Variants in GGA3 observed in about 807,000 individuals in gnomAD.
GGA3 encodes the protein golgi associated, gamma adaptin ear containing, ARF binding protein 3.
GGA3 carries 57 observed loss-of-function variants against 77.5 expected under a neutral mutation model. The observed-to-expected ratio is 0.74, with a 90% CI of 0.59 to 0.92. The LOEUF (loss-of-function observed/expected upper bound fraction) is 0.92, where lower values mean the gene tolerates loss of function less well. Ranked by LOEUF, GGA3 falls within the 40% of genes least tolerant of loss-of-function variation. The probability of loss-of-function intolerance (pLI) is 0.00; values close to 1 mark genes in which losing one functional copy is unlikely to be tolerated. For synonymous variants in GGA3, 416 were observed against 383.7 expected, an observed-to-expected ratio of 1.08 and a Z score of -0.98; for missense variants, 970 against 914.9, an observed-to-expected ratio of 1.06 and a Z score of -0.78.
Position 75,240,328 on chromosome 17 carries a change from T to A in GGA3, c.1263+14A>T, listed in dbSNP as rs2145487584. On this transcript the variant is annotated intron_variant, in intron 12 of 16. Coordinates refer to ENST00000537686, the MANE Select transcript of GGA3 (RefSeq NM_138619.4). ...CTTGGCACAGTAGTGCTGTCACCGA[T>A]CCTGTGCCCCTACCTGGAGCAGGTG... is the stretch of plus-strand genomic sequence containing the variant. 1 of 1,560,720 alleles carries A rather than the reference T, an allele frequency of 6.4e-7. No individual in the cohort carries two copies. Among genetic ancestry groups the A allele is most frequent in the East Asian group, 2.3e-5 (1 of 44,024 alleles).
chr17:75,246,645 C>G, intron 2 of GGA3, 61 bp from the exon 3 acceptor site: 1 of 1,593,096 alleles, frequency 6.3e-7, no homozygotes, highest in East Asian at 2.2e-5. Context: ...GCTGGCCCTC[C>G]TTGGCCATGG....
Position 75,243,528 on chromosome 17 carries a change from T to A in GGA3, c.343A>T (p.Ile115Phe). The A allele has an allele frequency of 6.2e-7, 1 of 1,614,070 alleles. No homozygotes were observed. The highest frequency in any genetic ancestry group is 1.3e-5 in the African/African-American group (1 of 75,054). The change falls in exon 5 of 17, where the codon ATT (isoleucine) becomes TTT (phenylalanine). Residue 115 changes from isoleucine (I) to phenylalanine (F), a missense_variant. Ile to Phe is a conservative substitution (Grantham distance 21, BLOSUM62 0). Transcript: ENST00000537686. ...RVSEKVKTKV[I>F]ELLYSWTMAL... ...ATGGTCCAGCTGTACAGCAGCTCAA[T>A]AACCTTGGTCTTCACTTTCTCAGAC...
intron 1 of GGA3, among the ~76,000 whole-genome samples, chr17:75,257,278 GCC>G (rs368611634): frequency 0.028 from 1,653 of 58,998 alleles, 39 homozygotes; most frequent in African/African-American, 0.045. Flanking sequence ...CTTAGACTGT[GCC>G]CCCCCCCCCA....
intron 5 of GGA3, 71 bp from the exon 6 acceptor site, chr17:75,243,237 G>T (rs2076635301): frequency 1.6e-6 from 2 of 1,232,370 alleles, no homozygotes; most frequent in Non-Finnish European, 2.3e-6. Flanking sequence ...TACACCAAGG[G>T]CCACGTCCCT....
At chr17:75,246,348 T>C (rs1245026305) in intron 3 of GGA3, among the ~76,000 whole-genome samples, 161 bp downstream of exon 3, 2 of 152,236 alleles carry the variant, frequency 1.3e-5, no homozygotes, top group African/African-American at 2.4e-5. Flanking sequence ...CACACAGATT[T>C]GTGGAACAGC....
rs1035275071 is a variant in GGA3 at position 75,239,490 on chromosome 17, C to G, written c.1665G>C (p.Thr555=). The change falls in exon 14 of 17, where the codon ACG becomes ACC. Residue 555 remains threonine (T), a synonymous_variant. Transcript: ENST00000537686. ...TPARPLLPFS[T]GPGSPLFQPL... Reference sequence around the variant, plus strand: ...GCTGGAAGAGCGGGCTGCCGGGCCCCGTGGAGAAGGGCAGGAGGGGCCTGG... The same window carrying G: ...GCTGGAAGAGCGGGCTGCCGGGCCCGGTGGAGAAGGGCAGGAGGGGCCTGG... 6.3e-7 allele frequency: 1 copy of G among 1,577,782 alleles called. No homozygotes were observed. Among genetic ancestry groups the G allele is most frequent in the Non-Finnish European group, 8.6e-7 (1 of 1,168,580 alleles).
At chr17:75,257,223 G>A (rs894984533) in intron 1 of GGA3, among the ~76,000 whole-genome samples, 4 of 150,812 alleles carry the variant, frequency 2.7e-5, no homozygotes, top group African/African-American at 4.9e-5. Flanking sequence ...CTGTATAGAT[G>A]CTCCTTTTTA....
At chr17:75,248,198 G>A (rs188900558) in intron 1 of GGA3, among the ~76,000 whole-genome samples, 48 of 152,282 alleles carry the variant, frequency 3.2e-4, no homozygotes, top group African/African-American at 9.4e-4. Context: ...GGGGCCGGGC[G>A]TGGTGGCTCA....
intron 1 of GGA3, among the ~76,000 whole-genome samples, chr17:75,256,532 C>T (rs2077157427): frequency 6.6e-6 from 1 of 152,136 alleles, no homozygotes; most frequent in Non-Finnish European, 1.5e-5. Context: ...GTTCCTCACC[C>T]TGATCACGCT....
intron 1 of GGA3, chr17:75,248,959 C>T: frequency 1.0e-6 from 1 of 985,336 alleles, no homozygotes; most frequent in Non-Finnish European, 1.2e-6. Context: ...AGTGTATCAC[C>T]CTGCTTCCCA....
chr17:75,258,681 TAAATA>T (rs1250487733), intron 1 of GGA3, among the ~76,000 whole-genome samples: 2 of 151,922 alleles, frequency 1.3e-5, no homozygotes, highest in East Asian at 1.9e-4. Flanking sequence ...AATAAATAAA[TAAATA>T]AAATAAACTT....
At position 75,237,777 on chromosome 17, in the gene GGA3, C is replaced by T. The variant is rs1485024664; in HGVS notation, c.*502G>A. On this transcript the variant is annotated 3_prime_UTR_variant, in exon 17 of 17. Coordinates refer to ENST00000537686, the MANE Select transcript of GGA3 (RefSeq NM_138619.4). ...GCCAGGCACCTTCCTGGGCCACCTC[C>T]CTGGGGATGGCAGCAGGAGCTGGTT... The T allele has an allele frequency of 1.4e-6, 2 of 1,429,376 alleles. No individual in the cohort carries two copies. Among genetic ancestry groups the T allele is most frequent in the Admixed American group, 2.9e-5 (1 of 34,362 alleles). 88.5% of individuals were successfully genotyped at this position (1,429,376 alleles called of 1,614,324 possible). A position where few individuals can be genotyped will look rare whatever the true frequency, so the allele number is the denominator to read the frequency against.
At position 75,242,489 on chromosome 17, in the gene GGA3, A is replaced by T; in HGVS notation, c.610-16T>A. The T allele has an allele frequency of 6.2e-7, 1 of 1,614,150 alleles. No individual in the cohort carries two copies. Among genetic ancestry groups the T allele is most frequent in the Non-Finnish European group, 8.5e-7 (1 of 1,179,974 alleles). ...GTGCCTCGTCCTGCCCCAGTGAAGA[A>T]GTTCAAGAGAAAGAGAGCGTCACTT... is the stretch of plus-strand genomic sequence containing the variant. On this transcript the variant is annotated splice_polypyrimidine_tract_variant and intron_variant, in intron 7 of 16. Transcript: ENST00000537686.
intron 3 of GGA3, among the ~76,000 whole-genome samples, chr17:75,246,271 AC>A (rs757890393): frequency 3.9e-5 from 6 of 151,922 alleles, no homozygotes; most frequent in Non-Finnish European, 7.4e-5. Flanking sequence ...TCACACACTA[AC>A]CATGTGGCCA....
At chr17:75,239,625 ACTCTCACCCAAGGCCCCTGACCATG>A (rs1456605611) in intron 13 of GGA3, 54 bp from the exon 14 acceptor site, 2 of 1,477,108 alleles carry the variant, frequency 1.4e-6, no homozygotes, top group Non-Finnish European at 1.9e-6. Context: ...GAGCTGCAGG[ACTCTCACCCAAGGCCCCTGACCATG>A]CTCTTACCCA....
Position 75,242,421 on chromosome 17 carries a change from A to T in GGA3, c.662T>A (p.Val221Asp). The change falls in exon 8 of 17, where the codon GTT becomes GAT. Residue 221 changes from valine to aspartate, a missense_variant. By Grantham distance (152) the Val-to-Asp change is radical (BLOSUM62 -3). Transcript: ENST00000537686. ...VTKRLHTLEE[V>D]NNNVRLLSEM... Reference sequence around the variant, plus strand: ...ACTGAGCAGTCTCACGTTGTTGTTAACTTCCTCTAACGTGTGCAGACGCTT... The same window carrying T: ...ACTGAGCAGTCTCACGTTGTTGTTATCTTCCTCTAACGTGTGCAGACGCTT... The T allele has an allele frequency of 2.7e-5, 43 of 1,614,002 alleles. No homozygotes were observed. Among genetic ancestry groups the T allele is most frequent in the Non-Finnish European group, 3.6e-5 (43 of 1,179,908 alleles).
chr17:75,237,442 G>A lies in GGA3; in HGVS notation c.*837C>T. 2.0e-6 allele frequency: 3 copies of A among 1,520,570 alleles called. No homozygotes were observed. The highest frequency in any genetic ancestry group is 2.6e-6 in the Non-Finnish European group (3 of 1,132,660). The allele number at this position is 1,520,570 out of a possible 1,614,324, so 94.2% of individuals were successfully genotyped here. A position where few individuals can be genotyped will look rare whatever the true frequency, so the allele number is the denominator to read the frequency against. ...GGTAGATTCCAAGGGGAGGATAGCA[G>A]TTTATTTCATGCCAAGCAAGAGGTA... is the stretch of plus-strand genomic sequence containing the variant. On this transcript the variant is annotated 3_prime_UTR_variant, in exon 17 of 17. Coordinates refer to ENST00000537686, the MANE Select transcript of GGA3 (RefSeq NM_138619.4).
intron 1 of GGA3, among the ~76,000 whole-genome samples, chr17:75,258,431 G>A (rs1480198427): frequency 1.3e-5 from 2 of 152,152 alleles, no homozygotes; most frequent in Non-Finnish European, 1.5e-5. Context: ...ACTTTGGAGG[G>A]AGCTGAGGCA....
intron 11 of GGA3, 192 bp downstream of exon 11, chr17:75,240,620 G>T: frequency 1.4e-6 from 1 of 698,552 alleles, no homozygotes; most frequent in Non-Finnish European, 2.4e-6. Context: ...GTGCAGGGCA[G>T]GAGGCAGAGT....
Sources: gnomAD v4.1 joint callset for allele counts (sites outside exome capture counted in the v4.1 genomes callset) on GRCh38, gnomAD v4.1.1 for gene constraint, MANE v1.5 for transcripts, NCBI Gene and HGNC (gene_info 2026-07-23, HGNC 2026-07-21) for gene names.